INO80: variants seen among roughly 807,000 people sequenced by gnomAD.
INO80 encodes the protein chromatin-remodeling ATPase INO80.
A neutral mutation model predicts 203.4 loss-of-function variants in INO80; 20 were observed. That is an observed-to-expected ratio of 0.10 (90% CI 0.07 to 0.14). The LOEUF (loss-of-function observed/expected upper bound fraction) is 0.14. INO80 is among the 10% of genes least tolerant of loss of function. INO80 has a pLI of 1.00. For synonymous variants in INO80, 726 were observed against 685.2 expected, an observed-to-expected ratio of 1.06 and a Z score of -0.93; for missense variants, 1,419 against 1,914.4, an observed-to-expected ratio of 0.74 and a Z score of 4.83.
At chr15:41,005,737 TTC>T in intron 27 of INO80, 50 bp from the exon 28 acceptor site, 1 of 1,049,892 alleles carries the variant, frequency 9.5e-7, no homozygotes. Context: ...AATTACTGTA[TTC>T]TGATTTCCAC....
At position 41,023,269 on chromosome 15, in the gene INO80, C is replaced by T. The variant is rs1368657556; in HGVS notation, c.3049-2144G>A. 5.7e-5 allele frequency: 26 copies of T among 455,870 alleles called. No homozygotes were observed. In the Admixed American group the frequency reaches 6.1e-4, roughly 11 times the overall value. 28.2% of individuals were successfully genotyped at this position (455,870 alleles called of 1,614,324 possible). A position where few individuals can be genotyped will look rare whatever the true frequency, so the allele number is the denominator to read the frequency against. On this transcript the variant is annotated intron_variant, in intron 25 of 35. Coordinates refer to ENST00000648947, the MANE Select transcript of INO80 (RefSeq NM_017553.3). ...GATGAAAATTGGGTCTCTCTCCCTT[C>T]TATGACTTGACATGGCAGTATCCCA...
At chr15:41,083,842 C>T (rs1409637461) in intron 7 of INO80, among the ~76,000 whole-genome samples, 2 of 152,094 alleles carry the variant, frequency 1.3e-5, no homozygotes, top group African/African-American at 2.4e-5. Flanking sequence ...CCAGTTGTCT[C>T]GGCACTACTA....
chr15:41,061,131 ACTCT>A (rs1028214393), intron 14 of INO80, among the ~76,000 whole-genome samples: 74 of 151,796 alleles, frequency 4.9e-4, no homozygotes, highest in African/African-American at 1.5e-3. Context: ...ACATGGTGAA[ACTCT>A]CTCTCTACAA....
intron 19 of INO80, 130 bp downstream of exon 19, chr15:41,053,797 CTT>C: frequency 1.7e-6 from 1 of 573,624 alleles, no homozygotes; most frequent in Non-Finnish European, 3.0e-6. Context: ...TTTAAGTCCT[CTT>C]TGATCCATGC....
At chr15:40,980,543 T>G in intron 35 of INO80, 103 bp from the exon 36 acceptor site, 1 of 797,924 alleles carries the variant, frequency 1.3e-6, no homozygotes, top group Non-Finnish European at 2.1e-6. Context: ...GGAGAAGTGG[T>G]GGGCAATTCC....
intron 24 of INO80, among the ~76,000 whole-genome samples, chr15:41,035,855 G>A (rs577464310): frequency 2.9e-5 from 4 of 135,698 alleles, no homozygotes; most frequent in East Asian, 2.3e-4. Flanking sequence ...AAAGTCTGGC[G>A]CCTTGGCTTA....
chr15:41,106,295 G>A (rs796067465), intron 1 of INO80, among the ~76,000 whole-genome samples: 41 of 149,582 alleles, frequency 2.7e-4, no homozygotes, highest in African/African-American at 1.0e-3. Flanking sequence ...GGGGTGTGAG[G>A]ATGGCTTAAG....
chr15:41,069,512 G>T, intron 14 of INO80, 58 bp downstream of exon 14: 2 of 1,028,070 alleles, frequency 1.9e-6, no homozygotes, highest in South Asian at 1.4e-5. Context: ...GCAAGAAAAG[G>T]AGAGTCAAAA....
At chr15:41,107,226 C>A (rs1328890102) in intron 1 of INO80, among the ~76,000 whole-genome samples, 1 of 152,180 alleles carries the variant, frequency 6.6e-6, no homozygotes, top group African/African-American at 2.4e-5. Context: ...CCCAGAACAG[C>A]AGATCACACC....
At chr15:41,074,268 T>C (rs1003690537) in intron 10 of INO80, 102 bp downstream of exon 10, 4 of 674,410 alleles carry the variant, frequency 5.9e-6, no homozygotes, top group South Asian at 6.0e-5. Context: ...TTCTGGTAAA[T>C]TACCTATGAA....
intron 9 of INO80, among the ~76,000 whole-genome samples, chr15:41,074,788 G>A (rs2045378201): frequency 6.6e-6 from 1 of 152,148 alleles, no homozygotes; most frequent in Non-Finnish European, 1.5e-5. Context: ...CTGGTCGCAT[G>A]GGCTGGAGTA....
At position 41,036,156 on chromosome 15, in the gene INO80, GAAAAAA is replaced by G. The variant is rs369185302; in HGVS notation, c.2908-8426_2908-8421del. Among the ~76,000 whole-genome samples the G allele has an allele frequency of 2.2e-4, 7 of 32,142 alleles. No individual in the cohort carries two copies. In the South Asian group the frequency reaches 6.5e-3, roughly 30 times the overall value. 21.1% of individuals were successfully genotyped at this position (32,142 alleles called of 152,430 possible). A position where few individuals can be genotyped will look rare whatever the true frequency, so the allele number is the denominator to read the frequency against. On this transcript the variant is annotated intron_variant, in intron 24 of 35. Transcript: ENST00000648947. The stretch of plus-strand genomic sequence containing the variant: ...GGGCAACAGAGTGCAACTCTCTCTC[GAAAAAA>G]AAAAAAAAAAAAAAAAAAAAAAACC...
chr15:40,982,424 C>T (rs1046556696), intron 35 of INO80, among the ~76,000 whole-genome samples: 4 of 152,228 alleles, frequency 2.6e-5, no homozygotes, highest in Admixed American at 6.5e-5. Context: ...GTTGGGATTA[C>T]AGGTGTGAGC....
intron 23 of INO80, among the ~76,000 whole-genome samples, chr15:41,045,652 G>C (rs1160416088): frequency 6.6e-6 from 1 of 151,594 alleles, no homozygotes; most frequent in Non-Finnish European, 1.5e-5. Context: ...CAGCACTTTG[G>C]GAGAATGAGA....
intron 4 of INO80, among the ~76,000 whole-genome samples, chr15:41,095,345 A>C (rs2045706791): frequency 2.0e-5 from 3 of 152,204 alleles, no homozygotes; most frequent in Admixed American, 2.0e-4. Context: ...TTGTCTCAAA[A>C]ACAAAATCTG....
chr15:40,987,561 G>A (rs915989907), intron 30 of INO80, among the ~76,000 whole-genome samples: 1 of 152,152 alleles, frequency 6.6e-6, no homozygotes, highest in Non-Finnish European at 1.5e-5. Flanking sequence ...GGCCATTACC[G>A]GTGTCAGTCT....
chr15:40,996,291 T>C (rs1025457862), intron 29 of INO80, among the ~76,000 whole-genome samples: 3 of 152,216 alleles, frequency 2.0e-5, no homozygotes, highest in Admixed American at 6.5e-5. Context: ...ATTAAATATA[T>C]TTGAATCTTA....
chr15:41,042,287 T>G (rs1383258905), intron 24 of INO80, among the ~76,000 whole-genome samples: 2 of 152,080 alleles, frequency 1.3e-5, no homozygotes, highest in Non-Finnish European at 2.9e-5. Flanking sequence ...GTGCTGGGAT[T>G]ACAAGGGTAA....
chr15:41,109,583 G>C (rs888168347), intron 1 of INO80, among the ~76,000 whole-genome samples: 1 of 152,000 alleles, frequency 6.6e-6, no homozygotes, highest in Non-Finnish European at 1.5e-5. Context: ...GATCACCTGA[G>C]GTCAGGAGTT....
Sources: gnomAD v4.1 joint callset for allele counts (sites outside exome capture counted in the v4.1 genomes callset) on GRCh38, gnomAD v4.1.1 for gene constraint, MANE v1.5 for transcripts, NCBI Gene and HGNC (gene_info 2026-07-23, HGNC 2026-07-21) for gene names.